DLGAP4: variants seen among roughly 807,000 people sequenced by gnomAD.
DLGAP4 encodes DLG associated protein 4.
A neutral mutation model predicts 86.9 loss-of-function variants in DLGAP4; 18 were observed. That is an observed-to-expected ratio of 0.21 (90% confidence interval 0.14 to 0.31). The LOEUF (loss-of-function observed/expected upper bound fraction) is 0.31. DLGAP4 is among the 10% of genes least tolerant of loss of function. DLGAP4 has a pLI of 1.00. For missense variants in DLGAP4, 1,085 were observed against 1,362.6 expected (o/e 0.80, Z 3.21); for synonymous variants, 548 against 574.3 (o/e 0.95, Z 0.65).
intron 1 of DLGAP4, among the ~76,000 whole-genome samples, chr20:36,313,656 G>A (rs1449510273): frequency 6.6e-6 from 1 of 152,114 alleles, no homozygotes; most frequent in Non-Finnish European, 1.5e-5. Flanking sequence ...TAGAGTCAGG[G>A]CTCTCTGCCG....
chr20:36,438,109 C>T (rs532603242), intron 4 of DLGAP4, among the ~76,000 whole-genome samples: 34 of 152,208 alleles, frequency 2.2e-4, no homozygotes, highest in African/African-American at 8.2e-4. Context: ...TGCAGTGGCT[C>T]ACGCTTGTAA....
At chr20:36,376,385 C>T (rs1046453185) in intron 2 of DLGAP4, among the ~76,000 whole-genome samples, 1 of 152,084 alleles carries the variant, frequency 6.6e-6, no homozygotes, top group African/African-American at 2.4e-5. Context: ...GCTGGAGAAT[C>T]GCTTGAACCT....
At chr20:36,416,248 A>G (rs1469400075) in intron 2 of DLGAP4, among the ~76,000 whole-genome samples, 3 of 152,110 alleles carry the variant, frequency 2.0e-5, no homozygotes, top group Admixed American at 6.5e-5. Flanking sequence ...CAGCCTCCCA[A>G]CTAGCTGGGA....
In DLGAP4 at chr20:36,322,686, T is replaced by G. The variant is rs558957052; in HGVS notation, c.-304+16174T>G. 1.4e-4 allele frequency among the ~76,000 whole-genome samples: 22 copies of G among 152,302 alleles called. No homozygotes were observed. In the South Asian group the frequency reaches 4.4e-3, roughly 30 times the overall value. ...TGACTTTGCAATAGGGTCACATTAG[T>G]CCTGCTCATCTGCAGCTACTTCTTC... On this transcript the variant is annotated intron_variant, in intron 1 of 12. Coordinates refer to ENST00000339266, the MANE Select transcript of DLGAP4 (RefSeq NM_001365621.2).
chr20:36,464,753 C>T (rs545385363), intron 7 of DLGAP4, among the ~76,000 whole-genome samples: 36 of 151,780 alleles, frequency 2.4e-4, no homozygotes, highest in African/African-American at 8.0e-4. Context: ...GGGAGGCTGA[C>T]GCAGGAGAAT....
In DLGAP4 at chr20:36,432,467, T is replaced by G; in HGVS notation, c.750T>G (p.Ser250Arg). The G allele has an allele frequency of 1.2e-6, 2 of 1,613,542 alleles. No individual in the cohort carries two copies. Among genetic ancestry groups the G allele is most frequent in the East Asian group, 2.2e-5 (1 of 44,850 alleles). Residue 250 changes from serine to arginine, a missense_variant, in exon 3 of 13, where the codon AGT (serine) becomes AGG (arginine). This residue lies in a region of DLGAP4 where 1,082 missense variants were observed against 1,344.1 expected (regional missense o/e 0.81). Coordinates refer to ENST00000339266, the MANE Select transcript of DLGAP4 (RefSeq NM_001365621.2). The surrounding 1 kb of genome is among the most constrained non-coding windows in gnomAD (Gnocchi z 6.5). ...RYFMHAYNTI[S>R]GHMLKTTKNN... ...TCATGCACGCCTACAACACCATCAG[T>G]GGGCACATGCTCAAAACCACCAAGA...
intron 7 of DLGAP4, among the ~76,000 whole-genome samples, chr20:36,487,899 C>T (rs57040934): frequency 0.018 from 2,810 of 152,174 alleles, 80 homozygotes; most frequent in African/African-American, 0.064. Context: ...AAAACAACTG[C>T]CATGTAAAAG....
intron 6 of DLGAP4, among the ~76,000 whole-genome samples, chr20:36,444,069 G>GC (rs1444693709): frequency 6.6e-6 from 1 of 152,160 alleles, no homozygotes; most frequent in Non-Finnish European, 1.5e-5. Flanking sequence ...AAGACCCCAT[G>GC]CCCCCGGCAG....
In DLGAP4 at chr20:36,500,532, G is replaced by A; in HGVS notation, c.2433G>A (p.Leu811=). Residue 811 remains leucine, a synonymous_variant, in exon 10 of 13, where the codon CTG becomes CTA. Coordinates refer to ENST00000339266, the MANE Select transcript of DLGAP4 (RefSeq NM_001365621.2). The surrounding 1 kb of genome is among the most constrained non-coding windows in gnomAD (Gnocchi z 4.6). ...RRDGYWFLKL[L]QAETERLEGW... ...ACGGCTACTGGTTCCTAAAGCTACT[G>A]CAGGCAGAAACAGAGCGGCTGGAAG... 1.3e-6 allele frequency: 2 copies of A among 1,570,934 alleles called. No individual in the cohort carries two copies. Among genetic ancestry groups the A allele is most frequent in the African/African-American group, 2.7e-5 (2 of 73,456 alleles).
intron 10 of DLGAP4, among the ~76,000 whole-genome samples, chr20:36,505,163 A>G (rs2036307970): frequency 6.6e-6 from 1 of 151,552 alleles, no homozygotes; most frequent in African/African-American, 2.4e-5. Flanking sequence ...AATTTTTTGT[A>G]TTTTTAGTAG....
chr20:36,312,346 C>A (rs1239058513), intron 1 of DLGAP4, among the ~76,000 whole-genome samples: 3 of 151,770 alleles, frequency 2.0e-5, no homozygotes, highest in African/African-American at 7.3e-5. Flanking sequence ...CATGCACACG[C>A]ACACACACAC....
chr20:36,517,455 T>C (rs1305992730), intron 10 of DLGAP4, among the ~76,000 whole-genome samples: 1 of 152,204 alleles, frequency 6.6e-6, no homozygotes, highest in East Asian at 1.9e-4. Flanking sequence ...TTAGTAGAGA[T>C]GAGGTTTCAA....
At chr20:36,396,994 C>G (rs1160187643) in intron 2 of DLGAP4, among the ~76,000 whole-genome samples, 2 of 152,298 alleles carry the variant, frequency 1.3e-5, no homozygotes, top group African/African-American at 2.4e-5. Flanking sequence ...GAAGAACCAT[C>G]TTTATTCCCA....
At chr20:36,341,986 A>G (rs1027555536) in intron 1 of DLGAP4, among the ~76,000 whole-genome samples, 1 of 152,206 alleles carries the variant, frequency 6.6e-6, no homozygotes, top group Admixed American at 6.5e-5. Context: ...AAGAGTGGGA[A>G]CAGCAGCAGG....
intron 7 of DLGAP4, among the ~76,000 whole-genome samples, chr20:36,486,025 C>A (rs1242208853): frequency 6.6e-6 from 1 of 152,134 alleles, no homozygotes; most frequent in Non-Finnish European, 1.5e-5. Context: ...GAGTTCAAAG[C>A]CCTGGCCCTG....
chr20:36,489,767 A>AGAAG (rs2035578132), intron 7 of DLGAP4, among the ~76,000 whole-genome samples: 2 of 152,048 alleles, frequency 1.3e-5, no homozygotes, highest in Admixed American at 1.3e-4. Context: ...GAGGATCCCC[A>AGAAG]GAAGGACTTG....
At chr20:36,312,840 G>A (rs1333643982) in intron 1 of DLGAP4, among the ~76,000 whole-genome samples, 19 of 152,120 alleles carry the variant, frequency 1.2e-4, no homozygotes, top group East Asian at 7.7e-4. Context: ...AGGTGGGTCC[G>A]GGAGGCTTTC....
At chr20:36,319,712 C>T (rs1483705060) in intron 1 of DLGAP4, among the ~76,000 whole-genome samples, 2 of 152,124 alleles carry the variant, frequency 1.3e-5, no homozygotes, top group Non-Finnish European at 2.9e-5. Flanking sequence ...CAGTCCAGTG[C>T]CTTTCTTGCT....
intron 7 of DLGAP4, chr20:36,461,771 G>GCC: frequency 8.6e-6 from 2 of 231,368 alleles, no homozygotes; most frequent in Non-Finnish European, 1.2e-5. Flanking sequence ...CCGCCCGCCC[G>GCC]CGCTTCCGTC....
Sources: allele counts gnomAD v4.1 joint callset (sites outside exome capture counted in the v4.1 genomes callset), GRCh38; gene constraint gnomAD v4.1.1; regional missense constraint gnomAD v4.1.1; non-coding constraint Gnocchi (gnomAD v3.1); transcripts MANE v1.5; gene names NCBI Gene and HGNC (gene_info 2026-07-23, HGNC 2026-07-21).